The following TRPM3 variants were observed in gnomAD, a reference collection of about 807,000 sequenced individuals.
TRPM3 encodes the protein transient receptor potential cation channel subfamily M member 3.
A neutral mutation model predicts 181.2 loss-of-function variants in TRPM3; 77 were observed. The ratio of observed to expected loss-of-function variants is 0.42; its 90% CI spans 0.35 to 0.51. TRPM3 has a LOEUF of 0.51. Among genes scored for constraint, TRPM3 ranks in the 20% least tolerant of loss-of-function variants. TRPM3 has a pLI of 0.01. For synonymous variants in TRPM3, 745 were observed against 796.4 expected, an observed-to-expected ratio of 0.94 and a Z score of 1.09; for missense variants, 1,759 against 2,196.7, an observed-to-expected ratio of 0.80 and a Z score of 3.98.
chr9:71,209,884 T>A (rs548284546), intron 1 of TRPM3, among the ~76,000 whole-genome samples: 209 of 152,340 alleles, frequency 1.4e-3, no homozygotes, highest in African/African-American at 4.7e-3. Context: ...AATGGCAGAA[T>A]TGAGACCTTG....
intron 1 of TRPM3, among the ~76,000 whole-genome samples, chr9:70,921,948 C>CAT (rs1164367752): frequency 2.0e-5 from 3 of 149,308 alleles, no homozygotes; most frequent in East Asian, 3.9e-4. Context: ...AACAAACACA[C>CAT]ACACACACAC....
chr9:71,077,628 A>T (rs2063651080), intron 1 of TRPM3, among the ~76,000 whole-genome samples: 1 of 152,064 alleles, frequency 6.6e-6, no homozygotes. Context: ...CTTTAGCAAC[A>T]CCACACCTAA....
chr9:71,155,205 T>A (rs1276454428), intron 1 of TRPM3, among the ~76,000 whole-genome samples: 1 of 152,184 alleles, frequency 6.6e-6, no homozygotes, highest in African/African-American at 2.4e-5. Flanking sequence ...GAGAGCTGGC[T>A]TAGCAGATGA....
intron 1 of TRPM3, among the ~76,000 whole-genome samples, chr9:70,999,706 A>G (rs538897860): frequency 1.5e-4 from 23 of 152,198 alleles, no homozygotes; most frequent in Non-Finnish European, 3.2e-4. Flanking sequence ...TAAATACAGT[A>G]TTTGACTCAT....
At chr9:70,580,052 G>C (rs1448010092) in intron 22 of TRPM3, among the ~76,000 whole-genome samples, 1 of 152,198 alleles carries the variant, frequency 6.6e-6, no homozygotes, top group Non-Finnish European at 1.5e-5. Context: ...ATTAAGGCGA[G>C]AAGAGTCAGC....
chr9:71,410,485 T>TA (rs2093525725), intron 1 of TRPM3, among the ~76,000 whole-genome samples: 1 of 152,064 alleles, frequency 6.6e-6, no homozygotes, highest in Non-Finnish European at 1.5e-5. Context: ...AACACCTCTA[T>TA]GCAAATAAAC....
intron 1 of TRPM3, among the ~76,000 whole-genome samples, chr9:71,408,452 T>C (rs549295201): frequency 5.7e-4 from 87 of 152,248 alleles, no homozygotes; most frequent in African/African-American, 1.9e-3. Context: ...AACTACGTGA[T>C]GCATGCACAA....
At chr9:71,207,566 T>A (rs546302498) in intron 1 of TRPM3, among the ~76,000 whole-genome samples, 1 of 152,114 alleles carries the variant, frequency 6.6e-6, no homozygotes, top group Non-Finnish European at 1.5e-5. Flanking sequence ...CCAGAATGTA[T>A]CTTGTAACAG....
chr9:71,400,945 C>A (rs1367631528), intron 1 of TRPM3, among the ~76,000 whole-genome samples: 1 of 152,040 alleles, frequency 6.6e-6, no homozygotes, highest in African/African-American at 2.4e-5. Flanking sequence ...TGCCTGTAAT[C>A]CCAGCACTTT....
intron 1 of TRPM3, among the ~76,000 whole-genome samples, chr9:71,440,409 G>A (rs958620802): frequency 3.0e-4 from 45 of 152,080 alleles, no homozygotes; most frequent in African/African-American, 1.1e-3. Context: ...CACTGCACTG[G>A]TATCTATCCT....
At chr9:71,322,083 C>A (rs2089275552) in intron 1 of TRPM3, among the ~76,000 whole-genome samples, 1 of 152,056 alleles carries the variant, frequency 6.6e-6, no homozygotes, top group African/African-American at 2.4e-5. Flanking sequence ...GAACTTTTGA[C>A]TCACAGAAGC....
chr9:71,246,789 T>C (rs777496019), intron 1 of TRPM3, among the ~76,000 whole-genome samples: 10 of 152,210 alleles, frequency 6.6e-5, no homozygotes, highest in Non-Finnish European at 1.5e-4. Context: ...TATACGACAC[T>C]TTAATTAGTG....
chr9:71,432,732 G>A (rs903951498), intron 1 of TRPM3, among the ~76,000 whole-genome samples: 2 of 152,136 alleles, frequency 1.3e-5, no homozygotes, highest in African/African-American at 2.4e-5. Context: ...TGTTTAGAGG[G>A]ATGACTTTGT....
At chr9:70,961,732 T>G (rs1427898276) in intron 1 of TRPM3, among the ~76,000 whole-genome samples, 2 of 152,194 alleles carry the variant, frequency 1.3e-5, no homozygotes, top group Admixed American at 1.3e-4. Context: ...TATGTCATAT[T>G]ATTTTCTTGT....
In TRPM3 at chr9:70,553,200, C is replaced by T. The variant is rs1309731602; in HGVS notation, c.3334G>A (p.Ala1112Thr). 1 of 1,614,094 alleles carries T rather than the reference C, an allele frequency of 6.2e-7. No homozygotes were observed. The highest frequency in any genetic ancestry group is 8.5e-7 in the Non-Finnish European group (1 of 1,180,022). ...AGGAGGTTGACCAGCAAGATGTTTG[C>T]CACTAAGAGGTAGCAGGCCATGATG... ...PAIMACYLLV[A>T]NILLVNLLIA... The change falls in exon 23 of 26, where the codon GCA becomes ACA. Residue 1112 changes from alanine (A) to threonine (T), a missense_variant. Ala to Thr is a moderately conservative substitution (Grantham distance 58). Around this residue, in one of 8 missense-constraint regions of TRPM3, gnomAD observed 94 missense variants for 221.3 expected, o/e 0.42. Transcript: ENST00000677713.
Position 70,620,131 on chromosome 9 carries a change from C to T in TRPM3, c.2074G>A (p.Ala692Thr). 6.2e-7 allele frequency: 1 copy of T among 1,613,960 alleles called. No individual in the cohort carries two copies. Among genetic ancestry groups the T allele is most frequent in the Non-Finnish European group, 8.5e-7 (1 of 1,179,834 alleles). ...CKLCKAMAHEASENDMVDDIS... is the reference protein window; with the variant it reads ...CKLCKAMAHETSENDMVDDIS... ...TCGTCAACCATGTCGTTCTCAGAGG[C>T]CTCATGAGCCATGGCTTTGCAGAGC... Residue 692 changes from alanine to threonine, a missense_variant, in exon 16 of 26, where the codon GCC (alanine) becomes ACC (threonine). Ala to Thr is a moderately conservative substitution (Grantham distance 58). This residue lies in a region of TRPM3 where 737 missense variants were observed against 957.4 expected (regional missense o/e 0.77). Transcript: ENST00000677713.
At chr9:70,816,551 C>T (rs957362288) in intron 6 of TRPM3, among the ~76,000 whole-genome samples, 1 of 152,190 alleles carries the variant, frequency 6.6e-6, no homozygotes, top group Non-Finnish European at 1.5e-5. Flanking sequence ...GGCCAACCTC[C>T]ATTCTACCAC....
rs373287513 is a variant in TRPM3, at chr9:71,331,902, G to A, written c.183+114751C>T. Among the ~76,000 whole-genome samples the A allele has an allele frequency of 3.4e-4, 2 of 5,920 alleles. 1 individual carries two copies. The highest frequency in any genetic ancestry group is 8.4e-3 in the East Asian group (2 of 238). The allele number at this position is 5,920 out of a possible 152,430, so 3.9% of individuals were successfully genotyped here. A position where few individuals can be genotyped will look rare whatever the true frequency, so the allele number is the denominator to read the frequency against. On this transcript the variant is annotated intron_variant, in intron 1 of 24. Transcript: ENST00000357533. ...AGAGGAGGAAGAAGGGGAGGAAGAA[G>A]AGGAGGAAGAAGAGGAGGAAGAGGA... is the stretch of plus-strand genomic sequence containing the variant.
chr9:71,201,628 C>T (rs1478392436), intron 1 of TRPM3, among the ~76,000 whole-genome samples: 1 of 152,166 alleles, frequency 6.6e-6, no homozygotes, highest in African/African-American at 2.4e-5. Flanking sequence ...TTCATTTTAT[C>T]TTCCATCACT....
Sources: gnomAD v4.1 joint callset for allele counts (sites outside exome capture counted in the v4.1 genomes callset) on GRCh38, gnomAD v4.1.1 for gene constraint, gnomAD v4.1.1 regional missense constraint, MANE v1.5 for transcripts, NCBI Gene and HGNC (gene_info 2026-07-23, HGNC 2026-07-21) for gene names.